Variants in PCSK5 observed in about 807,000 individuals in gnomAD.
The protein encoded by PCSK5 is prohormone convertase 5.
Under a neutral mutation model 233.2 loss-of-function variants are expected in PCSK5, and 129 were observed. The observed-to-expected ratio is 0.55, with a 90% CI of 0.48 to 0.64. PCSK5 has a LOEUF of 0.64. Ranked by LOEUF, PCSK5 falls within the 30% of genes least tolerant of loss-of-function variation. The pLI is 0.00. For missense variants in PCSK5, 2,076 were observed against 2,430.1 expected (o/e 0.85, Z 3.06); for synonymous variants, 825 against 879.2 (o/e 0.94, Z 1.09).
chr9:76,173,515 T>C (rs1159336691), intron 13 of PCSK5, among the ~76,000 whole-genome samples: 13 of 111,806 alleles, frequency 1.2e-4, no homozygotes, highest in South Asian at 3.2e-4. Context: ...TTTTTTTTTT[T>C]TTTTTTTTTT....
At position 76,087,876 on chromosome 9, in the gene PCSK5, A is replaced by G. The variant is rs530469586; in HGVS notation, c.895-8014A>G. 3.3e-5 allele frequency among the ~76,000 whole-genome samples: 5 copies of G among 152,320 alleles called. No homozygotes were observed. The South Asian group carries it at 8.3e-4, about 25-fold the overall frequency. ...TGGAGGAAGAGGAGGGAGTGAAGTC[A>G]TGTCGCATAAGAAATGGCAAGAAGA... On this transcript the variant is annotated intron_variant, in intron 7 of 37. Transcript: ENST00000674117.
intron 10 of PCSK5, among the ~76,000 whole-genome samples, chr9:76,151,042 A>T (rs559474798): frequency 1.3e-5 from 2 of 149,478 alleles, no homozygotes; most frequent in Non-Finnish European, 3.0e-5. Flanking sequence ...AGGTGTTTAC[A>T]TTATGCGTGT....
intron 24 of PCSK5, among the ~76,000 whole-genome samples, chr9:76,251,569 A>C (rs1826807427): frequency 6.6e-6 from 1 of 151,312 alleles, no homozygotes; most frequent in South Asian, 2.1e-4. Context: ...GTCTCAAAAA[A>C]AAAAAAAAAA....
At chr9:76,128,030 TTGAA>T (rs752211998) in intron 9 of PCSK5, among the ~76,000 whole-genome samples, 14 of 152,134 alleles carry the variant, frequency 9.2e-5, no homozygotes, top group Non-Finnish European at 1.5e-4. Flanking sequence ...TATTATTATT[TTGAA>T]TGAGAAATAG....
chr9:76,066,575 A>G (rs1326578931), intron 5 of PCSK5, among the ~76,000 whole-genome samples: 1 of 152,164 alleles, frequency 6.6e-6, no homozygotes, highest in Non-Finnish European at 1.5e-5. Flanking sequence ...TACGGTGTGT[A>G]TATATATAGA....
chr9:76,188,771 A>G, intron 18 of PCSK5, 96 bp downstream of exon 18: 1 of 837,438 alleles, frequency 1.2e-6, no homozygotes, highest in East Asian at 2.5e-5. Flanking sequence ...TGATACTTTT[A>G]AAGTAATGCT....
At chr9:76,127,665 T>C (rs1035845552) in intron 9 of PCSK5, among the ~76,000 whole-genome samples, 1 of 152,228 alleles carries the variant, frequency 6.6e-6, no homozygotes, top group Non-Finnish European at 1.5e-5. Context: ...CCTAATTAAA[T>C]ACAGATTCAT....
At chr9:76,104,567 A>C (rs910064019) in intron 8 of PCSK5, among the ~76,000 whole-genome samples, 4 of 152,266 alleles carry the variant, frequency 2.6e-5, no homozygotes, top group African/African-American at 4.8e-5. Flanking sequence ...ATACCTTGTC[A>C]CTATGCAGAC....
chr9:76,248,020 G>C (rs897985795), intron 24 of PCSK5, among the ~76,000 whole-genome samples: 51 of 152,142 alleles, frequency 3.4e-4, no homozygotes, highest in African/African-American at 1.1e-3. Context: ...TCCTGACCTC[G>C]TGGTCCGCCA....
chr9:76,358,988 G>C lies in PCSK5; in HGVS notation c.*66G>C, dbSNP rs1830375649. 1 of 1,432,412 alleles carries C rather than the reference G, an allele frequency of 7.0e-7. No homozygotes were observed. Among genetic ancestry groups the C allele is most frequent in the Admixed American group, 1.8e-5 (1 of 55,270 alleles). The allele number at this position is 1,432,412 out of a possible 1,614,324, so 88.7% of individuals were successfully genotyped here. Reference sequence around the variant, plus strand: ...CATGCCTGTGAGCATCACTGTTTTTGGTTTTATCCCCACACCAGGCTGATG... The same window carrying C: ...CATGCCTGTGAGCATCACTGTTTTTCGTTTTATCCCCACACCAGGCTGATG... On this transcript the variant is annotated 3_prime_UTR_variant, in exon 38 of 38. Transcript: ENST00000674117.
Position 76,332,517 on chromosome 9 carries a change from GGACA to G in PCSK5, c.4656_4659del (p.Arg1552SerfsTer20). The G allele has an allele frequency of 6.2e-7, 1 of 1,612,740 alleles. No individual in the cohort carries two copies. The highest frequency in any genetic ancestry group is 1.7e-4 in the Middle Eastern group (1 of 6,060). ...TGTGCCCACTGCCACAGCTCTTGCA[GGACA>G]TGTGAAGGGAGACACAGCAGGCAGT... On this transcript the variant is annotated frameshift_variant, in exon 34 of 38. Transcript: ENST00000674117. LOFTEE classifies it high-confidence loss of function.
Position 75,908,978 on chromosome 9 carries a change from T to TCTATCTATCTATCTAA in PCSK5, c.192+17618_192+17619insTAACTATCTATCTATC, listed in dbSNP as rs1485228551. On this transcript the variant is annotated intron_variant, in intron 1 of 37. Transcript: ENST00000674117. ...ATCTATCTATCTATCTATCTATCTA[T>TCTATCTATCTATCTAA]CTATCTATCTATCCGATTTTCTCTC... Among the ~76,000 whole-genome samples, 151 of 150,456 alleles carry TCTATCTATCTATCTAA rather than the reference T, an allele frequency of 1.0e-3. 1 individual carries two copies. Among genetic ancestry groups the TCTATCTATCTATCTAA allele is most frequent in the African/African-American group, 3.6e-3 (145 of 40,620 alleles).
intron 5 of PCSK5, among the ~76,000 whole-genome samples, chr9:76,064,294 C>T (rs1479051498): frequency 2.1e-5 from 2 of 95,598 alleles, no homozygotes; most frequent in African/African-American, 5.4e-5. Flanking sequence ...TCCTCACTTC[C>T]CAGTAGGGGC....
chr9:75,941,737 G>A (rs1474895263), intron 2 of PCSK5, among the ~76,000 whole-genome samples: 2 of 152,132 alleles, frequency 1.3e-5, no homozygotes, highest in African/African-American at 4.8e-5. Flanking sequence ...ATCCATTTAT[G>A]GTGACACGAT....
At chr9:76,023,005 G>T (rs1828266302) in intron 3 of PCSK5, among the ~76,000 whole-genome samples, 1 of 152,216 alleles carries the variant, frequency 6.6e-6, no homozygotes, top group South Asian at 2.1e-4. Context: ...GAAGCTGCCT[G>T]AGTGGTTCGA....
chr9:76,356,282 T>A (rs1315654061), intron 37 of PCSK5, among the ~76,000 whole-genome samples: 6 of 152,252 alleles, frequency 3.9e-5, no homozygotes, highest in Admixed American at 3.9e-4. Context: ...CTGGTCCCCC[T>A]GCAGCTCTTG....
At chr9:76,330,723 C>G (rs938291847) in intron 33 of PCSK5, among the ~76,000 whole-genome samples, 1 of 152,188 alleles carries the variant, frequency 6.6e-6, no homozygotes, top group South Asian at 2.1e-4. Context: ...ACAGGGAGAC[C>G]TATTCTCAAT....
At chr9:76,202,110 T>C (rs1052817942) in intron 20 of PCSK5, among the ~76,000 whole-genome samples, 1 of 152,202 alleles carries the variant, frequency 6.6e-6, no homozygotes, top group African/African-American at 2.4e-5. Context: ...TTCTATGTTA[T>C]CAGAAGAGCC....
chr9:75,939,266 G>A (rs533496160), intron 2 of PCSK5, among the ~76,000 whole-genome samples: 9 of 152,304 alleles, frequency 5.9e-5, no homozygotes, highest in Non-Finnish European at 8.8e-5. Context: ...TAACATAGAA[G>A]CACTAGGGCA....
Sources: allele counts gnomAD v4.1 joint callset (sites outside exome capture counted in the v4.1 genomes callset), GRCh38; gene constraint gnomAD v4.1.1; transcripts MANE v1.5; gene names NCBI Gene and HGNC (gene_info 2026-07-23, HGNC 2026-07-21).